NUDT9: variants seen among roughly 807,000 people sequenced by gnomAD.
NUDT9 encodes nudix hydrolase 9.
NUDT9 carries 31 observed loss-of-function variants against 41.0 expected under a neutral mutation model. The ratio of observed to expected loss-of-function variants is 0.76; its 90% CI spans 0.57 to 1.02. The LOEUF is 1.02. Ranked by LOEUF, NUDT9 falls within the 50% of genes least tolerant of loss-of-function variation. The probability of loss-of-function intolerance (pLI) is 0.00; values close to 1 mark genes in which losing one functional copy is unlikely to be tolerated. For synonymous variants in NUDT9, 146 were observed against 147.6 expected (o/e 0.99, Z 0.08); for missense variants, 380 against 431.4 (o/e 0.88, Z 1.06).
intron 7 of NUDT9, among the ~76,000 whole-genome samples, chr4:87,456,699 C>G (rs1723005965): frequency 6.6e-6 from 1 of 152,114 alleles, no homozygotes; most frequent in Non-Finnish European, 1.5e-5. Flanking sequence ...GCTTCTCTCC[C>G]TGGTCAGTTG....
intron 1 of NUDT9, among the ~76,000 whole-genome samples, 173 bp from the exon 2 acceptor site, chr4:87,434,808 G>A (rs896808363): frequency 2.0e-5 from 3 of 151,742 alleles, no homozygotes; most frequent in South Asian, 2.1e-4. Context: ...TAGTAGAGAC[G>A]GCATTTCACC....
At chr4:87,452,543 T>C (rs1722793099) in intron 6 of NUDT9, among the ~76,000 whole-genome samples, 1 of 151,982 alleles carries the variant, frequency 6.6e-6, no homozygotes, top group African/African-American at 2.4e-5. Flanking sequence ...TTTGACCTCT[T>C]GGGCTCCTGT....
At chr4:87,425,712 GAAAAAAA>G (rs70957242) in intron 1 of NUDT9, among the ~76,000 whole-genome samples, 3 of 94,756 alleles carry the variant, frequency 3.2e-5, no homozygotes, top group South Asian at 3.4e-4. Flanking sequence ...CTGTCTCTTT[GAAAAAAA>G]AAAAAAAAAA....
chr4:87,457,500 T>C (rs1245348393), intron 7 of NUDT9, among the ~76,000 whole-genome samples: 2 of 151,660 alleles, frequency 1.3e-5, no homozygotes, highest in Non-Finnish European at 2.9e-5. Flanking sequence ...GCTTTGTTTA[T>C]TTTTTTACAT....
intron 5 of NUDT9, among the ~76,000 whole-genome samples, chr4:87,449,673 A>G (rs1440280384): frequency 6.6e-6 from 1 of 152,176 alleles, no homozygotes; most frequent in Non-Finnish European, 1.5e-5. Context: ...CCAAGGTAGT[A>G]TTTTTAAGCA....
At chr4:87,436,030 G>A (rs747006704) in intron 2 of NUDT9, among the ~76,000 whole-genome samples, 3 of 147,680 alleles carry the variant, frequency 2.0e-5, no homozygotes, top group African/African-American at 4.9e-5. Context: ...CTCTCTCTCT[G>A]TCACCCAGGC....
At chr4:87,453,406 G>C (rs571337724) in intron 6 of NUDT9, among the ~76,000 whole-genome samples, 30 of 152,010 alleles carry the variant, frequency 2.0e-4, no homozygotes, top group Middle Eastern at 3.2e-3. Flanking sequence ...TCTGAAATTA[G>C]AGTTTGAAGT....
At position 87,423,022 on chromosome 4, in the gene NUDT9, C is replaced by T. The variant is rs1310816321; in HGVS notation, c.107+10C>T. ...GCATCCAGGCGTTCAGGTATTCCAC[C>T]CTCCTACTACCGGCTCCTTTGCCCT... On this transcript the variant is annotated intron_variant, in intron 1 of 7. Coordinates refer to ENST00000302174, the MANE Select transcript of NUDT9 (RefSeq NM_024047.5). 4.4e-6 allele frequency: 7 copies of T among 1,602,870 alleles called. No homozygotes were observed. The highest frequency in any genetic ancestry group is 4.0e-5 in the African/African-American group (3 of 74,618).
In NUDT9 at chr4:87,455,812, C is replaced by T. The variant is rs142181349; in HGVS notation, c.874+1357C>T. 8.8e-3 allele frequency among the ~76,000 whole-genome samples: 1,345 copies of T among 151,986 alleles called. 8 individuals are homozygous for T. Among genetic ancestry groups the T allele is most frequent in the Non-Finnish European group, 0.013 (882 of 67,948 alleles). On this transcript the variant is annotated intron_variant, in intron 7 of 7. Coordinates refer to ENST00000302174, the MANE Select transcript of NUDT9 (RefSeq NM_024047.5). ...AAGTAGCTGGTACTACAGGCATGCA[C>T]CACCATGCCTGGCTAATTTTTGTAT...
rs1334332214 is a variant in NUDT9, at chr4:87,458,001, G to A, written c.1033G>A (p.Ala345Thr). ...RDAHWSEDSE[A>T]DCHAL ...TGCACACTGGAGCGAGGACTCTGAA[G>A]CTGACTGCCATGCGTTGTAGCTGAT... The change falls in exon 8 of 8, where the codon GCT becomes ACT. Residue 345 changes from alanine (A) to threonine (T), a missense_variant. By Grantham distance (58) the Ala-to-Thr change is moderately conservative. Coordinates refer to ENST00000302174, the MANE Select transcript of NUDT9 (RefSeq NM_024047.5). 7.7e-6 allele frequency: 12 copies of A among 1,557,572 alleles called. No individual in the cohort carries two copies. The highest frequency in any genetic ancestry group is 3.7e-5 in the South Asian group (3 of 81,592).
intron 4 of NUDT9, among the ~76,000 whole-genome samples, chr4:87,448,462 G>T (rs1035839112): frequency 1.3e-5 from 2 of 151,818 alleles, no homozygotes; most frequent in African/African-American, 4.8e-5. Context: ...ATCTTACCAT[G>T]CCTTTTTCAC....
intron 2 of NUDT9, among the ~76,000 whole-genome samples, chr4:87,437,399 G>T (rs555450845): frequency 3.9e-5 from 6 of 151,964 alleles, no homozygotes; most frequent in Admixed American, 2.6e-4. Flanking sequence ...GGAGTGCAGT[G>T]GCGCCATCTC....
At chr4:87,446,247 CTTTT>C (rs386400738) in intron 4 of NUDT9, among the ~76,000 whole-genome samples, 7 of 124,210 alleles carry the variant, frequency 5.6e-5, no homozygotes, top group African/African-American at 2.1e-4. Context: ...CTTATCTTTC[CTTTT>C]TTTTTTTTTT....
At chr4:87,430,042 G>A (rs756659539) in intron 1 of NUDT9, among the ~76,000 whole-genome samples, 1 of 152,150 alleles carries the variant, frequency 6.6e-6, no homozygotes, top group Non-Finnish European at 1.5e-5. Context: ...CTTTGAGATG[G>A]GGAGAGCATC....
chr4:87,457,806 G>T (rs773214005), intron 7 of NUDT9, 37 bp from the exon 8 acceptor site: 1 of 1,577,538 alleles, frequency 6.3e-7, no homozygotes, highest in Middle Eastern at 1.7e-4. Context: ...AAACAGAAAT[G>T]AGTTTTTCTT....
intron 1 of NUDT9, among the ~76,000 whole-genome samples, chr4:87,427,136 G>T (rs1047010551): frequency 7.4e-6 from 1 of 135,884 alleles, no homozygotes; most frequent in Non-Finnish European, 1.6e-5. Context: ...AAAAAAAAAA[G>T]TTAAAAAAAA....
chr4:87,426,532 A>G (rs990047101), intron 1 of NUDT9, among the ~76,000 whole-genome samples: 2 of 151,312 alleles, frequency 1.3e-5, no homozygotes, highest in African/African-American at 2.4e-5. Flanking sequence ...GCCTCAGCCT[A>G]GTGAGTAGCT....
intron 2 of NUDT9, 45 bp from the exon 3 acceptor site, chr4:87,438,232 T>C (rs1202917344): frequency 1.9e-6 from 2 of 1,036,682 alleles, no homozygotes. Context: ...CTGTTGGTAG[T>C]TTTGAATCAT....
intron 1 of NUDT9, among the ~76,000 whole-genome samples, chr4:87,433,713 T>C (rs1372710324): frequency 3.3e-5 from 5 of 152,244 alleles, no homozygotes; most frequent in Non-Finnish European, 7.3e-5. Context: ...TTAGAAGTCA[T>C]TTAACTTTTT....
Sources: gnomAD v4.1 joint callset for allele counts (sites outside exome capture counted in the v4.1 genomes callset) on GRCh38, gnomAD v4.1.1 for gene constraint, MANE v1.5 for transcripts, NCBI Gene and HGNC (gene_info 2026-07-23, HGNC 2026-07-21) for gene names.